The following KCNQ1OT1 variants were observed in gnomAD, a reference collection of about 807,000 sequenced individuals.
KCNQ1OT1 encodes KCNQ1 antisense RNA 2 (non-protein coding).
At chr11:2,618,777 A>T (rs181667511) in exon 1 of KCNQ1OT1, 38 of 398,430 alleles carry the variant, frequency 9.5e-5, no homozygotes, top group African/African-American at 7.4e-4. Context: ...TTTGGATATT[A>T]TTGACATTTT....
At position 2,647,496 on chromosome 11, in the gene KCNQ1OT1, A is replaced by G; in HGVS notation, n.52499T>C. 1 of 398,544 alleles carries G rather than the reference A, an allele frequency of 2.5e-6. No homozygotes were observed. Among genetic ancestry groups the G allele is most frequent in the Non-Finnish European group, 4.4e-6 (1 of 226,048 alleles). The allele number at this position is 398,544 out of a possible 1,614,324, so 24.7% of individuals were successfully genotyped here. ...TGTGTCCTTATCTGGTTTTGGTATC[A>G]AGATACTGCTTGCCTCACAGAATGA... is the stretch of plus-strand genomic sequence containing the variant. On this transcript the variant is annotated non_coding_transcript_exon_variant, in exon 1 of 1. Transcript: ENST00000597346. This position sits in a 1 kb window ranked among gnomAD's most constrained non-coding sequence, Gnocchi z 4.0.
At position 2,679,422 on chromosome 11, in the gene KCNQ1OT1, T is replaced by C; in HGVS notation, n.20573A>G. 1 of 398,632 alleles carries C rather than the reference T, an allele frequency of 2.5e-6. No homozygotes were observed. The highest frequency in any genetic ancestry group is 3.6e-5 in the East Asian group (1 of 28,084). The allele number at this position is 398,632 out of a possible 1,614,324, so 24.7% of individuals were successfully genotyped here. A position where few individuals can be genotyped will look rare whatever the true frequency, so the allele number is the denominator to read the frequency against. The stretch of plus-strand genomic sequence containing the variant: ...AATGGGAATCATAAGAGTACCTTCC[T>C]CAGAGGGTTGTTAGGAGGATTACAC... On this transcript the variant is annotated non_coding_transcript_exon_variant, in exon 1 of 1. Coordinates refer to ENST00000597346, the Ensembl canonical transcript of KCNQ1OT1. This position sits in a 1 kb window ranked among gnomAD's most constrained non-coding sequence, Gnocchi z 4.8.
Position 2,698,853 on chromosome 11 carries a change from G to T in KCNQ1OT1, n.1142C>A, listed in dbSNP as rs1850722620. The T allele has an allele frequency of 2.5e-6, 1 of 398,726 alleles. No individual in the cohort carries two copies. Among genetic ancestry groups the T allele is most frequent in the Admixed American group, 4.4e-5 (1 of 22,714 alleles). 24.7% of individuals were successfully genotyped at this position (398,726 alleles called of 1,614,324 possible). A position where few individuals can be genotyped will look rare whatever the true frequency, so the allele number is the denominator to read the frequency against. On this transcript the variant is annotated non_coding_transcript_exon_variant, in exon 1 of 1. Coordinates refer to ENST00000597346, the Ensembl canonical transcript of KCNQ1OT1. The surrounding 1 kb of genome is among the most constrained non-coding windows in gnomAD (Gnocchi z 5.1). Reference sequence around the variant, plus strand: ...ACCTAAAACCACCATGCGGACTCCAGACCCGGACTGACTGGGACCCCAACT... The same window carrying T: ...ACCTAAAACCACCATGCGGACTCCATACCCGGACTGACTGGGACCCCAACT...
chr11:2,645,621 G>A lies in KCNQ1OT1; in HGVS notation n.54374C>T, dbSNP rs1849654203. On this transcript the variant is annotated non_coding_transcript_exon_variant, in exon 1 of 1. Coordinates refer to ENST00000597346, the Ensembl canonical transcript of KCNQ1OT1. This position sits in a 1 kb window ranked among gnomAD's most constrained non-coding sequence, Gnocchi z 5.8. ...GCCCCAGGTGGTGACTATGGGCAGGGTCACCTTTCCTCATGGCAGCCTTGC... is the reference window on the plus strand; with the variant it reads ...GCCCCAGGTGGTGACTATGGGCAGGATCACCTTTCCTCATGGCAGCCTTGC... The A allele has an allele frequency of 2.0e-5, 8 of 398,630 alleles. No individual in the cohort carries two copies. In the South Asian group the frequency reaches 3.8e-4, roughly 19 times the overall value. The allele number at this position is 398,630 out of a possible 1,614,324, so 24.7% of individuals were successfully genotyped here. A position where few individuals can be genotyped will look rare whatever the true frequency, so the allele number is the denominator to read the frequency against.
Position 2,682,441 on chromosome 11 carries a change from T to C in KCNQ1OT1, n.17554A>G, listed in dbSNP as rs1850413946. ...TTTTATCTTCAGTGCTTAATCCATATGGAGCCTGTCACGGACCCTCAGTGA... is the reference window on the plus strand; with the variant it reads ...TTTTATCTTCAGTGCTTAATCCATACGGAGCCTGTCACGGACCCTCAGTGA... On this transcript the variant is annotated non_coding_transcript_exon_variant, in exon 1 of 1. Coordinates refer to ENST00000597346, the Ensembl canonical transcript of KCNQ1OT1. This position sits in a 1 kb window ranked among gnomAD's most constrained non-coding sequence, Gnocchi z 5.8. 2.5e-6 allele frequency: 1 copy of C among 398,412 alleles called. No homozygotes were observed. Among genetic ancestry groups the C allele is most frequent in the Non-Finnish European group, 4.4e-6 (1 of 226,116 alleles). 24.7% of individuals were successfully genotyped at this position (398,412 alleles called of 1,614,324 possible).
exon 1 of KCNQ1OT1, chr11:2,666,215 A>C (rs1850064126): frequency 5.0e-6 from 2 of 398,448 alleles, no homozygotes; most frequent in Non-Finnish European, 8.8e-6. Flanking sequence ...AGGGACACTC[A>C]GGGAGCACCC....
chr11:2,638,093 C>T (rs2133825101), exon 1 of KCNQ1OT1: 1 of 152,280 alleles, frequency 6.6e-6, no homozygotes, highest in Middle Eastern at 3.4e-3. Context: ...AGATGGGTCT[C>T]CTGAATACAG....
At chr11:2,643,012 G>C in exon 1 of KCNQ1OT1, 1 of 397,892 alleles carries the variant, frequency 2.5e-6, no homozygotes, top group Non-Finnish European at 4.4e-6. Flanking sequence ...ATTGTGGTCT[G>C]AGAAGATATG....
chr11:2,630,464 A>G, exon 1 of KCNQ1OT1: 1 of 398,360 alleles, frequency 2.5e-6, no homozygotes, highest in Non-Finnish European at 4.4e-6. Flanking sequence ...TTTGGGGGGA[A>G]TATTTTGATC....
chr11:2,665,087 A>C (rs568687611), exon 1 of KCNQ1OT1: 2 of 398,414 alleles, frequency 5.0e-6, no homozygotes, highest in African/African-American at 4.1e-5. Context: ...CGGGGTACCC[A>C]GGAGATAAAG....
chr11:2,667,601 G>C (rs566395407), exon 1 of KCNQ1OT1: 2 of 398,402 alleles, frequency 5.0e-6, no homozygotes, highest in Non-Finnish European at 8.8e-6. Context: ...TTGGGCGGGG[G>C]GCACATCCCA....
rs929585203 is a variant in KCNQ1OT1 at position 2,652,807 on chromosome 11, G to C, written n.47188C>G. 5.0e-6 allele frequency: 2 copies of C among 398,980 alleles called. No individual in the cohort carries two copies. The highest frequency in any genetic ancestry group is 2.1e-5 in the African/African-American group (1 of 48,644). 24.7% of individuals were successfully genotyped at this position (398,980 alleles called of 1,614,324 possible). On this transcript the variant is annotated non_coding_transcript_exon_variant, in exon 1 of 1. Coordinates refer to ENST00000597346, the Ensembl canonical transcript of KCNQ1OT1. This position sits in a 1 kb window ranked among gnomAD's most constrained non-coding sequence, Gnocchi z 5.9. ...CTACTCAGACCCCACCCTTGGGCCT[G>C]CAGAGACATTTCCGTTCACTCTGAG...
exon 1 of KCNQ1OT1, chr11:2,667,206 G>GC (rs1214375461): frequency 1.0e-5 from 4 of 398,588 alleles, no homozygotes; most frequent in African/African-American, 2.1e-5. Context: ...GCCCCCCGTG[G>GC]CCCCCTAACC....
In KCNQ1OT1 at chr11:2,613,528, A is replaced by G. The variant is rs1166127743; in HGVS notation, n.86467T>C. The G allele has an allele frequency of 5.0e-6, 2 of 398,470 alleles. No individual in the cohort carries two copies. The highest frequency in any genetic ancestry group is 8.8e-6 in the Non-Finnish European group (2 of 226,032). 24.7% of individuals were successfully genotyped at this position (398,470 alleles called of 1,614,324 possible). On this transcript the variant is annotated non_coding_transcript_exon_variant, in exon 1 of 1. Transcript: ENST00000597346. The surrounding 1 kb of genome is among the most constrained non-coding windows in gnomAD (Gnocchi z 4.8). ...GCTTGGGTGGGGAGATGGCAGCCCC[A>G]CGTTAAATCATAACCCTGCTATTCT...
exon 1 of KCNQ1OT1, chr11:2,650,142 C>T (rs967373338): frequency 7.5e-6 from 3 of 398,038 alleles, no homozygotes; most frequent in Non-Finnish European, 8.9e-6. Context: ...TTGTTTGGTT[C>T]TTTTTCATAT....
chr11:2,660,822 G>GA (rs749007314), exon 1 of KCNQ1OT1: 18 of 398,414 alleles, frequency 4.5e-5, no homozygotes, highest in Non-Finnish European at 7.1e-5. Context: ...AATTACTAAG[G>GA]ACACACCCTC....
exon 1 of KCNQ1OT1, chr11:2,630,447 C>T (rs1024606614): frequency 7.5e-6 from 3 of 398,100 alleles, no homozygotes; most frequent in African/African-American, 6.2e-5. Flanking sequence ...GGATTGTTCC[C>T]TCTTTGTTTG....
rs1849013061 is a variant in KCNQ1OT1, at chr11:2,613,469, T to C, written n.86526A>G. On this transcript the variant is annotated non_coding_transcript_exon_variant, in exon 1 of 1. Coordinates refer to ENST00000597346, the Ensembl canonical transcript of KCNQ1OT1. The surrounding 1 kb of genome is among the most constrained non-coding windows in gnomAD (Gnocchi z 4.8). ...GAATTCAAAATCAGATGAGCCTTCT[T>C]TGTTGCTGGTCCTCAAGCCTACCGT... 1 of 398,482 alleles carries C rather than the reference T, an allele frequency of 2.5e-6. No individual in the cohort carries two copies. 24.7% of individuals were successfully genotyped at this position (398,482 alleles called of 1,614,324 possible).
exon 1 of KCNQ1OT1, chr11:2,646,303 T>G: frequency 2.5e-6 from 1 of 396,812 alleles, no homozygotes; most frequent in Non-Finnish European, 4.4e-6. Flanking sequence ...TAGGTAAATA[T>G]GATCATTTTA....
Sources: allele counts gnomAD v4.1 joint callset, GRCh38; gene constraint gnomAD v4.1.1; non-coding constraint Gnocchi (gnomAD v3.1); transcripts MANE v1.5; gene names NCBI Gene and HGNC (gene_info 2026-07-23, HGNC 2026-07-21).